Variants in CXXC1 observed in about 807,000 individuals in gnomAD.
The protein encoded by CXXC1 is CXXC-type zinc finger protein 1.
CXXC1 carries 21 observed loss-of-function variants against 83.6 expected under a neutral mutation model. That is an observed-to-expected ratio of 0.25 (90% confidence interval 0.18 to 0.36). The LOEUF (loss-of-function observed/expected upper bound fraction) is 0.36. Ranked by LOEUF, CXXC1 falls within the 10% of genes least tolerant of loss-of-function variation. The pLI, the probability that CXXC1 is intolerant of heterozygous loss-of-function variation, is 1.00. For missense variants in CXXC1, 688 were observed against 919.5 expected (o/e 0.75, Z 3.26); for synonymous variants, 371 against 337.5 (o/e 1.10, Z -1.09).
At position 50,283,384 on chromosome 18, in the gene CXXC1, G is replaced by C. The variant is rs768948215; in HGVS notation, c.1575-23C>G. 6 of 1,606,286 alleles carry C rather than the reference G, an allele frequency of 3.7e-6. No individual in the cohort carries two copies. In the African/African-American group the frequency reaches 4.0e-5, roughly 11 times the overall value. On this transcript the variant is annotated intron_variant, in intron 12 of 14. Transcript: ENST00000285106. The stretch of plus-strand genomic sequence containing the variant: ...GCCCTGGGGATTTGGAGTAGAGAGG[G>C]CAGTAGAGGGAGGGAAGGGAGGTCC...
chr18:50,287,287 C>CT (rs1322244955), intron 1 of CXXC1: 1 of 544,784 alleles, frequency 1.8e-6, no homozygotes, highest in Non-Finnish European at 3.3e-6. Flanking sequence ...TCACGGCTCA[C>CT]TACAGACCAC....
chr18:50,284,989 C>G lies in CXXC1; in HGVS notation c.912+13G>C, dbSNP rs2040689772. ...CTCCACCCTTCCACCAGTGGATGCT[C>G]CTGTCTGCTCACCAGGCCATGGTCA... On this transcript the variant is annotated intron_variant, in intron 7 of 14. Transcript: ENST00000285106. 1 of 1,614,038 alleles carries G rather than the reference C, an allele frequency of 6.2e-7. No homozygotes were observed.
At chr18:50,284,899 C>G (rs1035996514) in intron 7 of CXXC1, 60 bp from the exon 8 acceptor site, 19 of 1,612,950 alleles carry the variant, frequency 1.2e-5, no homozygotes, top group Non-Finnish European at 1.6e-5. Flanking sequence ...ACCACCTACT[C>G]ATGTCCCATA....
At position 50,283,732 on chromosome 18, in the gene CXXC1, C is replaced by T. The variant is rs1446084830; in HGVS notation, c.1497G>A (p.Leu499=). ...CGHPINPRVA[L]RHMERCYAKY... is the part of the protein sequence containing the mutation. ...TGGCGTAGCAGCGCTCCATGTGGCGCAAGGCAACACGTGGGTTGATGGGGT... is the reference window on the plus strand; with the variant it reads ...TGGCGTAGCAGCGCTCCATGTGGCGTAAGGCAACACGTGGGTTGATGGGGT... The change falls in exon 11 of 15, where the codon TTG becomes TTA. Residue 499 remains leucine, a synonymous_variant. Transcript: ENST00000285106. 5 of 1,614,226 alleles carry T rather than the reference C, an allele frequency of 3.1e-6. No homozygotes were observed. Among genetic ancestry groups the T allele is most frequent in the East Asian group, 2.2e-5 (1 of 44,890 alleles).
In CXXC1 at chr18:50,284,032, G is replaced by A. The variant is rs377460655; in HGVS notation, c.1275C>T (p.His425=). ...GAATGCGTTCGAGCAGCTTCTTGCC[G>A]TGCTCTTCAGCAATGCAAGGGCTCT... ...WQQSPCIAEE[H]GKKLLERIRR... Residue 425 remains histidine, a synonymous_variant, in exon 10 of 15, where the codon CAC becomes CAT. Transcript: ENST00000285106. The A allele has an allele frequency of 2.1e-5, 34 of 1,612,028 alleles. No individual in the cohort carries two copies. The highest frequency in any genetic ancestry group is 6.6e-5 in the South Asian group (6 of 91,088).
At chr18:50,284,880 GACA>G in intron 7 of CXXC1, 41 bp from the exon 8 acceptor site, 1 of 1,613,454 alleles carries the variant, frequency 6.2e-7, no homozygotes, top group Non-Finnish European at 8.5e-7. Flanking sequence ...CCCCGCTCGT[GACA>G]ACCCCACCAC....
rs2040691536 is a variant in CXXC1 at position 50,285,088 on chromosome 18, G to A, written c.826C>T (p.Pro276Ser). The change falls in exon 7 of 15, where the codon CCT becomes TCT. Residue 276 changes from proline to serine, a missense_variant. This residue lies in a region of CXXC1 where 190 missense variants were observed against 199.7 expected (regional missense o/e 0.95). Coordinates refer to ENST00000285106, the MANE Select transcript of CXXC1 (RefSeq NM_014593.4). The surrounding 1 kb of genome is among the most constrained non-coding windows in gnomAD (Gnocchi z 4.4). ...VKEPPEATATPEPLSDEDLPL... is the reference protein window; with the variant it reads ...VKEPPEATATSEPLSDEDLPL... The stretch of plus-strand genomic sequence containing the variant: ...AGGTCCTCATCTGAGAGTGGCTCAG[G>A]TGTGGCTGTAGCCTCAGGAGGCTCC... The A allele has an allele frequency of 6.2e-7, 1 of 1,614,250 alleles. No individual in the cohort carries two copies.
intron 9 of CXXC1, 83 bp from the exon 10 acceptor site, chr18:50,284,184 G>T: frequency 6.7e-7 from 1 of 1,498,668 alleles, no homozygotes; most frequent in Non-Finnish European, 9.1e-7. Flanking sequence ...GGCAAAAGGA[G>T]AAGTAAATAG....
In CXXC1 at chr18:50,285,165, T is replaced by C; in HGVS notation, c.749A>G (p.Lys250Arg). 9.3e-6 allele frequency: 15 copies of C among 1,614,194 alleles called. No individual in the cohort carries two copies. Among genetic ancestry groups the C allele is most frequent in the Non-Finnish European group, 1.3e-5 (15 of 1,180,026 alleles). ...PTQQQPQPSQ[K>R]LGRIREDEGA... is the part of the protein sequence containing the mutation. ...CTCATCTTCACGGATGCGCCCTAACTTCTGTGATGGCTGTGGCTGCTGTTG... is the reference window on the plus strand; with the variant it reads ...CTCATCTTCACGGATGCGCCCTAACCTCTGTGATGGCTGTGGCTGCTGTTG... The change falls in exon 7 of 15, where the codon AAG becomes AGG. Residue 250 changes from lysine to arginine, a missense_variant. Transcript: ENST00000285106. This position sits in a 1 kb window ranked among gnomAD's most constrained non-coding sequence, Gnocchi z 4.4.
At chr18:50,286,664 G>C (rs2040719841) in intron 2 of CXXC1, 25 bp from the exon 3 acceptor site, 1 of 1,612,242 alleles carries the variant, frequency 6.2e-7, no homozygotes, top group Non-Finnish European at 8.5e-7. Flanking sequence ...GCAGGCGATG[G>C]AGATGTGAGG....
chr18:50,283,930 T>C lies in CXXC1; in HGVS notation c.1377A>G (p.Leu459=), dbSNP rs527943741. ...RRFHELEAII[L]RAKQQAVRED... ...CGCGCACAGCCTGCTGCTTGGCACGTAGAATGATGGCCTCAAGCTCATGGA... is the reference window on the plus strand; with the variant it reads ...CGCGCACAGCCTGCTGCTTGGCACGCAGAATGATGGCCTCAAGCTCATGGA... The change falls in exon 10 of 15, where the codon CTA becomes CTG. Residue 459 remains leucine, a synonymous_variant. Transcript: ENST00000285106. 24 of 1,614,080 alleles carry C rather than the reference T, an allele frequency of 1.5e-5. No individual in the cohort carries two copies. The African/African-American group carries it at 2.7e-4, about 18-fold the overall frequency.
At position 50,282,793 on chromosome 18, in the gene CXXC1, C is replaced by A; in HGVS notation, c.1825-54G>T. 1 of 1,611,958 alleles carries A rather than the reference C, an allele frequency of 6.2e-7. No individual in the cohort carries two copies. Among genetic ancestry groups the A allele is most frequent in the Non-Finnish European group, 8.5e-7 (1 of 1,178,304 alleles). ...CAGGAACACCTGCAGCCCCGCCTGC[C>A]CCGGCCACGTCCGACATGGAAACCT... On this transcript the variant is annotated intron_variant, in intron 14 of 14. Transcript: ENST00000285106. The surrounding 1 kb of genome is among the most constrained non-coding windows in gnomAD (Gnocchi z 5.8).
At chr18:50,284,138 T>G (rs779507648) in intron 9 of CXXC1, 37 bp from the exon 10 acceptor site, 1 of 1,583,490 alleles carries the variant, frequency 6.3e-7, no homozygotes, top group South Asian at 1.1e-5. Context: ...ATGAGTGAGG[T>G]GATCAGTAAG....
At chr18:50,284,589 G>A (rs1356233510) in intron 8 of CXXC1, 27 bp from the exon 9 acceptor site, 3 of 1,582,692 alleles carry the variant, frequency 1.9e-6, no homozygotes, top group African/African-American at 2.7e-5. Context: ...GTCAGGTCAG[G>A]GTGGAGTCAA....
chr18:50,287,438 T>C (rs2040733035), intron 1 of CXXC1, 149 bp downstream of exon 1: 14 of 930,572 alleles, frequency 1.5e-5, no homozygotes, highest in Non-Finnish European at 2.3e-5. Flanking sequence ...AACTCCCAGA[T>C]GGTTCATCAT....
At chr18:50,286,517 C>T in intron 3 of CXXC1, 22 bp downstream of exon 3, 1 of 1,604,750 alleles carries the variant, frequency 6.2e-7, no homozygotes, top group Non-Finnish European at 8.5e-7. Context: ...ACCTGCCTTC[C>T]CTGTCCATCC....
rs779772541 is a variant in CXXC1, at chr18:50,285,137, C to T, written c.777G>A (p.Gly259=). Residue 259 remains glycine, a synonymous_variant, in exon 7 of 15, where the codon GGG becomes GGA. Transcript: ENST00000285106. This position sits in a 1 kb window ranked among gnomAD's most constrained non-coding sequence, Gnocchi z 4.4. ...CCTTGACTGTTGATGACGCCACTGC[C>T]CCCTCATCTTCACGGATGCGCCCTA... is the stretch of plus-strand genomic sequence containing the variant. The part of the protein sequence containing the change: ...QKLGRIREDE[G]AVASSTVKEP... The T allele has an allele frequency of 2.5e-6, 4 of 1,614,208 alleles. No homozygotes were observed. Among genetic ancestry groups the T allele is most frequent in the South Asian group, 1.1e-5 (1 of 91,080 alleles).
In CXXC1 at chr18:50,285,062, T is replaced by A. The variant is rs142884660; in HGVS notation, c.852A>T (p.Leu284=). 110 of 1,614,106 alleles carry A rather than the reference T, an allele frequency of 6.8e-5. No individual in the cohort carries two copies. The highest frequency in any genetic ancestry group is 1.0e-4 in the Admixed American group (6 of 60,006). The change falls in exon 7 of 15, where the codon CTA becomes CTT. Residue 284 remains leucine (L), a synonymous_variant. Coordinates refer to ENST00000285106, the MANE Select transcript of CXXC1 (RefSeq NM_014593.4). This position sits in a 1 kb window ranked among gnomAD's most constrained non-coding sequence, Gnocchi z 4.4. ...CCTGATACAGGTCAGGATCCAGAGG[T>A]AGGTCCTCATCTGAGAGTGGCTCAG... The part of the protein sequence containing the change: ...ATPEPLSDED[L]PLDPDLYQDF...
rs376602985 is a variant in CXXC1 at position 50,284,434 on chromosome 18, G to A, written c.1149C>T (p.Pro383=). 122 of 1,594,512 alleles carry A rather than the reference G, an allele frequency of 7.7e-5. No individual in the cohort carries two copies. The highest frequency in any genetic ancestry group is 9.0e-5 in the Non-Finnish European group (106 of 1,171,512). Reference sequence around the variant, plus strand: ...AGCAATACTTGGAGCTGGGCTGGGCGGGGCGCACACAGCCGGGCCCCAGGC... The same window carrying A: ...AGCAATACTTGGAGCTGGGCTGGGCAGGGCGCACACAGCCGGGCCCCAGGC... ...PQCLGPGCVR[P]AQPSSKYCSD... The change falls in exon 9 of 15, where the codon CCC becomes CCT. Residue 383 remains proline (P), a synonymous_variant. Coordinates refer to ENST00000285106, the MANE Select transcript of CXXC1 (RefSeq NM_014593.4).
Sources: gnomAD v4.1 joint callset for allele counts on GRCh38, gnomAD v4.1.1 for gene constraint, gnomAD v4.1.1 regional missense constraint, Gnocchi (gnomAD v3.1) non-coding constraint, MANE v1.5 for transcripts, NCBI Gene and HGNC (gene_info 2026-07-23, HGNC 2026-07-21) for gene names.